AGPAT4: variants seen among roughly 807,000 people sequenced by gnomAD.
AGPAT4 encodes 1-acylglycerol-3-phosphate O-acyltransferase 4.
In AGPAT4, 15 loss-of-function variants were observed where a neutral mutation model predicts 48.0. The ratio of observed to expected loss-of-function variants is 0.31; its 90% CI spans 0.21 to 0.48. The LOEUF (loss-of-function observed/expected upper bound fraction) is 0.48, where lower values mean the gene tolerates loss of function less well. AGPAT4 is among the 20% of genes least tolerant of loss of function. AGPAT4 has a pLI of 0.99. For missense variants in AGPAT4, 314 were observed against 482.5 expected (o/e 0.65, Z 3.27); for synonymous variants, 178 against 198.7 (o/e 0.90, Z 0.88).
chr6:161,139,769 C>G lies in AGPAT4; in HGVS notation c.844-149G>C. On this transcript the variant is annotated intron_variant, in intron 7 of 8. Coordinates refer to ENST00000320285, the MANE Select transcript of AGPAT4 (RefSeq NM_020133.3). This position sits in a 1 kb window ranked among gnomAD's most constrained non-coding sequence, Gnocchi z 9.1. ...GGTCTGCAGCTCCTTCCAGAAAGCA[C>G]TTTGTAGGCAGCTGCTGTCTTCTCA... The G allele has an allele frequency of 1.5e-6, 1 of 649,540 alleles. No homozygotes were observed. Among genetic ancestry groups the G allele is most frequent in the East Asian group, 2.8e-5 (1 of 36,088 alleles). 40.2% of individuals were successfully genotyped at this position (649,540 alleles called of 1,614,324 possible). A position where few individuals can be genotyped will look rare whatever the true frequency, so the allele number is the denominator to read the frequency against.
chr6:161,214,595 G>A lies in AGPAT4; in HGVS notation c.178+17441C>T, dbSNP rs561893178. On this transcript the variant is annotated intron_variant, in intron 2 of 8. Transcript: ENST00000320285. The surrounding 1 kb of genome is among the most constrained non-coding windows in gnomAD (Gnocchi z 5.4). ...AGCCTAGCCAACATGGTGAAACCCC[G>A]TCTCTACTAAAAGATACAAAAAAAT... 2.0e-5 allele frequency among the ~76,000 whole-genome samples: 3 copies of A among 152,122 alleles called. No individual in the cohort carries two copies. The highest frequency in any genetic ancestry group is 4.2e-4 in the South Asian group (2 of 4,806).
Position 161,195,144 on chromosome 6 carries a change from A to G in AGPAT4, c.179-28727T>C, listed in dbSNP as rs1781037499. ...CAAAATTAAATATATTCTTTTCTCC[A>G]AAAGAATAAAATACAACTTAATTTA... On this transcript the variant is annotated intron_variant, in intron 2 of 8. Coordinates refer to ENST00000320285, the MANE Select transcript of AGPAT4 (RefSeq NM_020133.3). This position sits in a 1 kb window ranked among gnomAD's most constrained non-coding sequence, Gnocchi z 5.0. Among the ~76,000 whole-genome samples, 1 of 152,208 alleles carries G rather than the reference A, an allele frequency of 6.6e-6. No homozygotes were observed. The highest frequency in any genetic ancestry group is 2.4e-5 in the African/African-American group (1 of 41,458).
At chr6:161,247,941 C>G (rs1782701435) in intron 1 of AGPAT4, among the ~76,000 whole-genome samples, 1 of 134,812 alleles carries the variant, frequency 7.4e-6, no homozygotes, top group Non-Finnish European at 1.5e-5. Flanking sequence ...GAGATTGTTC[C>G]ATTGCACTCC....
rs1562364143 is a variant in AGPAT4, at chr6:161,266,394, C to T, written c.-90+7544G>A. Among the ~76,000 whole-genome samples the T allele has an allele frequency of 6.6e-6, 1 of 152,146 alleles. No individual in the cohort carries two copies. The highest frequency in any genetic ancestry group is 1.5e-5 in the Non-Finnish European group (1 of 68,026). Reference sequence around the variant, plus strand: ...TGGGTACTCTGCTCTATGCTACAAACGATGCGATCATACCTCCATGCCATG... The same window carrying T: ...TGGGTACTCTGCTCTATGCTACAAATGATGCGATCATACCTCCATGCCATG... On this transcript the variant is annotated intron_variant, in intron 1 of 8. Transcript: ENST00000320285. This position sits in a 1 kb window ranked among gnomAD's most constrained non-coding sequence, Gnocchi z 6.2.
intron 2 of AGPAT4, among the ~76,000 whole-genome samples, chr6:161,186,269 T>C (rs1255754820): frequency 1.3e-5 from 2 of 152,144 alleles, no homozygotes; most frequent in Non-Finnish European, 2.9e-5. Flanking sequence ...ATGAATCACA[T>C]TTCTTAGCCT....
intron 2 of AGPAT4, among the ~76,000 whole-genome samples, chr6:161,185,283 CTTTTT>C (rs35820706): frequency 2.7e-5 from 3 of 109,284 alleles, no homozygotes; most frequent in Admixed American, 9.5e-5. Flanking sequence ...TTTAAGATGT[CTTTTT>C]TTTTTTTTTT....
intron 1 of AGPAT4, among the ~76,000 whole-genome samples, chr6:161,269,931 A>C (rs1001768405): frequency 6.6e-6 from 1 of 152,218 alleles, no homozygotes; most frequent in Non-Finnish European, 1.5e-5. Context: ...TAGATCGGAG[A>C]AACAAGATAA....
chr6:161,235,758 C>T lies in AGPAT4; in HGVS notation c.-89-3456G>A, dbSNP rs549484450. ...GGAGGTGCCACACACTTTTAAACAA[C>T]CAAATCTCAAGAGAACTCACTCATT... is the stretch of plus-strand genomic sequence containing the variant. On this transcript the variant is annotated intron_variant, in intron 1 of 8. Transcript: ENST00000320285. The surrounding 1 kb of genome is among the most constrained non-coding windows in gnomAD (Gnocchi z 6.2). Among the ~76,000 whole-genome samples, 6 of 152,074 alleles carry T rather than the reference C, an allele frequency of 3.9e-5. No individual in the cohort carries two copies. The South Asian group carries it at 1.0e-3, about 26-fold the overall frequency.
At chr6:161,269,767 G>C (rs978714082) in intron 1 of AGPAT4, among the ~76,000 whole-genome samples, 2 of 152,174 alleles carry the variant, frequency 1.3e-5, no homozygotes, top group African/African-American at 4.8e-5. Flanking sequence ...ATAATATACA[G>C]TGCCTGAGAC....
Position 161,186,324 on chromosome 6 carries a change from C to T in AGPAT4, c.179-19907G>A, listed in dbSNP as rs147725803. On this transcript the variant is annotated intron_variant, in intron 2 of 8. Transcript: ENST00000320285. ...TCTGGAACGAGGCACAGGCAGTCCA[C>T]GAGAAACCCTGCCACCTCCCTGCTG... 2.4e-3 allele frequency among the ~76,000 whole-genome samples: 371 copies of T among 152,302 alleles called. 2 individuals are homozygous for T. Among genetic ancestry groups the T allele is most frequent in the Non-Finnish European group, 4.5e-3 (305 of 68,028 alleles).
chr6:161,176,935 A>G (rs1212064001), intron 2 of AGPAT4, among the ~76,000 whole-genome samples: 2 of 152,178 alleles, frequency 1.3e-5, no homozygotes, highest in East Asian at 3.8e-4. Flanking sequence ...TTCTGGGTTG[A>G]AAATTCTTTT....
chr6:161,139,625 G>T lies in AGPAT4; in HGVS notation c.844-5C>A. The T allele has an allele frequency of 6.3e-7, 1 of 1,594,850 alleles. No homozygotes were observed. The highest frequency in any genetic ancestry group is 2.3e-5 in the East Asian group (1 of 44,402). On this transcript the variant is annotated splice_region_variant and splice_polypyrimidine_tract_variant and intron_variant, in intron 7 of 8. Coordinates refer to ENST00000320285, the MANE Select transcript of AGPAT4 (RefSeq NM_020133.3). The surrounding 1 kb of genome is among the most constrained non-coding windows in gnomAD (Gnocchi z 9.1). ...GTACTCCTCCTGAAAGGCATCCTGGGGGACAGGAAAGAGGACCCTCAGACG... is the reference window on the plus strand; with the variant it reads ...GTACTCCTCCTGAAAGGCATCCTGGTGGACAGGAAAGAGGACCCTCAGACG...
chr6:161,162,626 G>A (rs1562319106), intron 3 of AGPAT4, among the ~76,000 whole-genome samples: 1 of 152,154 alleles, frequency 6.6e-6, no homozygotes, highest in Non-Finnish European at 1.5e-5. Flanking sequence ...TTTATGACAC[G>A]CTTGTTGTTT....
rs1468859090 is a variant in AGPAT4 at position 161,236,311 on chromosome 6, G to T, written c.-89-4009C>A. On this transcript the variant is annotated intron_variant, in intron 1 of 8. Transcript: ENST00000320285. This position sits in a 1 kb window ranked among gnomAD's most constrained non-coding sequence, Gnocchi z 5.0. ...GTTTCTTACTATCAAGGCCAAAAAT[G>T]ATGAACTCGTGTGCTTGACAAAGTA... 6.6e-6 allele frequency among the ~76,000 whole-genome samples: 1 copy of T among 152,094 alleles called. No individual in the cohort carries two copies. Among genetic ancestry groups the T allele is most frequent in the Admixed American group, 6.5e-5 (1 of 15,268 alleles).
Position 161,231,349 on chromosome 6 carries a change from G to A in AGPAT4, c.178+687C>T, listed in dbSNP as rs1295265230. ...AATTAGTCATGTATGAAATAACCTA[G>A]CATAATCAAACATACACGGACACAT... is the stretch of plus-strand genomic sequence containing the variant. On this transcript the variant is annotated intron_variant, in intron 2 of 8. Coordinates refer to ENST00000320285, the MANE Select transcript of AGPAT4 (RefSeq NM_020133.3). This position sits in a 1 kb window ranked among gnomAD's most constrained non-coding sequence, Gnocchi z 5.3. 6.6e-6 allele frequency among the ~76,000 whole-genome samples: 1 copy of A among 152,036 alleles called. No individual in the cohort carries two copies. The highest frequency in any genetic ancestry group is 1.5e-5 in the Non-Finnish European group (1 of 68,028).
chr6:161,139,111 G>A lies in AGPAT4; in HGVS notation c.1042+311C>T, dbSNP rs1017889039. On this transcript the variant is annotated intron_variant, in intron 8 of 8. Coordinates refer to ENST00000320285, the MANE Select transcript of AGPAT4 (RefSeq NM_020133.3). This position sits in a 1 kb window ranked among gnomAD's most constrained non-coding sequence, Gnocchi z 9.1. ...GATGCCAATGAGCAGAGCTGTCTGC[G>A]GAGGACAGGGAGGGAGCACTCCCAG... Among the ~76,000 whole-genome samples, 13 of 152,324 alleles carry A rather than the reference G, an allele frequency of 8.5e-5. No individual in the cohort carries two copies. The highest frequency in any genetic ancestry group is 2.4e-4 in the African/African-American group (10 of 41,572).
rs1780457210 is a variant in AGPAT4 at position 161,177,386 on chromosome 6, T to G, written c.179-10969A>C. Among the ~76,000 whole-genome samples the G allele has an allele frequency of 6.6e-6, 1 of 152,246 alleles. No homozygotes were observed. Among genetic ancestry groups the G allele is most frequent in the Admixed American group, 6.5e-5 (1 of 15,290 alleles). On this transcript the variant is annotated intron_variant, in intron 2 of 8. Coordinates refer to ENST00000320285, the MANE Select transcript of AGPAT4 (RefSeq NM_020133.3). This position sits in a 1 kb window ranked among gnomAD's most constrained non-coding sequence, Gnocchi z 5.0. The stretch of plus-strand genomic sequence containing the variant: ...AAACTTCTCTTCTCGCTTCATTTCA[T>G]TAATTTGATCTTCAATCACTGATAT...
Position 161,216,959 on chromosome 6 carries a change from T to G in AGPAT4, c.178+15077A>C, listed in dbSNP as rs1781663481. Among the ~76,000 whole-genome samples, 1 of 152,164 alleles carries G rather than the reference T, an allele frequency of 6.6e-6. No individual in the cohort carries two copies. The highest frequency in any genetic ancestry group is 6.5e-5 in the Admixed American group (1 of 15,290). The stretch of plus-strand genomic sequence containing the variant: ...CAGTAATCCCTGCTTCTGTCTTAAT[T>G]TGACTTTCCCCTCACACGTGGCTCT... On this transcript the variant is annotated intron_variant, in intron 2 of 8. Coordinates refer to ENST00000320285, the MANE Select transcript of AGPAT4 (RefSeq NM_020133.3). The surrounding 1 kb of genome is among the most constrained non-coding windows in gnomAD (Gnocchi z 4.8).
At chr6:161,182,557 G>C (rs529520912) in intron 2 of AGPAT4, among the ~76,000 whole-genome samples, 13 of 152,254 alleles carry the variant, frequency 8.5e-5, no homozygotes, top group African/African-American at 2.9e-4. Flanking sequence ...CCAGCCCCTT[G>C]AGGTGCCCAT....
Sources: gnomAD v4.1 joint callset for allele counts (sites outside exome capture counted in the v4.1 genomes callset) on GRCh38, gnomAD v4.1.1 for gene constraint, Gnocchi (gnomAD v3.1) non-coding constraint, MANE v1.5 for transcripts, NCBI Gene and HGNC (gene_info 2026-07-23, HGNC 2026-07-21) for gene names.